Variants in RNLS observed in about 807,000 individuals in gnomAD.
RNLS encodes renalase, FAD dependent amine oxidase, also known as renalase.
RNLS carries 39 observed loss-of-function variants against 39.8 expected under a neutral mutation model. That is an observed-to-expected ratio of 0.98 (90% confidence interval 0.76 to 1.28). The LOEUF is 1.28. RNLS is among the 50% of genes most tolerant of loss of function. The probability of loss-of-function intolerance (pLI) is 0.00; values close to 1 mark genes in which losing one functional copy is unlikely to be tolerated. For synonymous variants in RNLS, 147 were observed against 150.7 expected, an observed-to-expected ratio of 0.98 and a Z score of 0.18; for missense variants, 410 against 413.3, an observed-to-expected ratio of 0.99 and a Z score of 0.07.
At chr10:88,412,768 C>T (rs944413181) in intron 4 of RNLS, among the ~76,000 whole-genome samples, 23 of 152,250 alleles carry the variant, frequency 1.5e-4, no homozygotes, top group African/African-American at 5.3e-4. Context: ...TATTCTGTAG[C>T]TTCCCAATTG....
chr10:88,499,666 G>A (rs764249890), intron 4 of RNLS, among the ~76,000 whole-genome samples: 20 of 151,936 alleles, frequency 1.3e-4, no homozygotes, highest in African/African-American at 4.4e-4. Flanking sequence ...TAACCAGATC[G>A]AAGTGAACCC....
rs529967652 is a variant in RNLS at position 88,417,841 on chromosome 10, T to C, written c.527-55116A>G. Among the ~76,000 whole-genome samples the C allele has an allele frequency of 3.3e-5, 5 of 152,354 alleles. No individual in the cohort carries two copies. The South Asian group carries it at 8.3e-4, about 25-fold the overall frequency. ...TTTTGTTGTTCATGTGTCACAACTTTATGCACTATAGAAGCCTTCTCTTTA... is the reference window on the plus strand; with the variant it reads ...TTTTGTTGTTCATGTGTCACAACTTCATGCACTATAGAAGCCTTCTCTTTA... On this transcript the variant is annotated intron_variant, in intron 4 of 6. Coordinates refer to ENST00000331772, the MANE Select transcript of RNLS (RefSeq NM_001031709.3).
intron 3 of RNLS, among the ~76,000 whole-genome samples, chr10:88,573,690 C>T (rs149580840): frequency 1.7e-3 from 256 of 152,260 alleles, no homozygotes; most frequent in African/African-American, 5.4e-3. Flanking sequence ...TCCTTCTTAG[C>T]ACTTAACACA....
chr10:88,520,941 G>A (rs895254562), intron 4 of RNLS, among the ~76,000 whole-genome samples: 4 of 151,878 alleles, frequency 2.6e-5, no homozygotes, highest in East Asian at 3.9e-4. Flanking sequence ...TGGGCTTCTC[G>A]TTCTTCCTCA....
chr10:88,572,159 A>G (rs1395275033), intron 4 of RNLS, among the ~76,000 whole-genome samples: 1 of 152,208 alleles, frequency 6.6e-6, no homozygotes, highest in African/African-American at 2.4e-5. Context: ...GGAAAGATAT[A>G]AGCATGTAAA....
intron 4 of RNLS, among the ~76,000 whole-genome samples, chr10:88,504,655 C>T (rs1175201570): frequency 6.6e-6 from 1 of 151,940 alleles, no homozygotes; most frequent in Non-Finnish European, 1.5e-5. Flanking sequence ...ATAATACAAA[C>T]AAAAATGATA....
At chr10:88,185,034 C>T in the RNLS span, among the ~76,000 whole-genome samples, 121 of 152,164 alleles carry the variant, frequency 8.0e-4, no homozygotes, top group African/African-American at 2.7e-3. Context: ...ATCCTGTTGC[C>T]CTGCCTTTCC....
At chr10:88,379,767 TG>T (rs1851304353) in intron 4 of RNLS, among the ~76,000 whole-genome samples, 1 of 152,220 alleles carries the variant, frequency 6.6e-6, no homozygotes, top group South Asian at 2.1e-4. Context: ...ATACAACTTA[TG>T]GCTGGTTCTG....
chr10:88,365,454 C>T (rs1742759339), intron 4 of RNLS, among the ~76,000 whole-genome samples: 1 of 151,092 alleles, frequency 6.6e-6, no homozygotes, highest in African/African-American at 2.4e-5. Flanking sequence ...GGCCCAATTC[C>T]AATATAATAA....
At chr10:88,364,344 T>C (rs976234415) in intron 4 of RNLS, among the ~76,000 whole-genome samples, 1 of 152,202 alleles carries the variant, frequency 6.6e-6, no homozygotes, top group African/African-American at 2.4e-5. Context: ...AGGGATTCAA[T>C]AAATTATTAT....
chr10:88,245,315 G>A, the RNLS span, among the ~76,000 whole-genome samples: 2 of 152,202 alleles, frequency 1.3e-5, no homozygotes, highest in Admixed American at 1.3e-4. Flanking sequence ...AAAGATCTGA[G>A]AGCAAGGGTC....
chr10:88,257,392 C>T, the RNLS span, among the ~76,000 whole-genome samples: 1 of 152,136 alleles, frequency 6.6e-6, no homozygotes, highest in African/African-American at 2.4e-5. Flanking sequence ...AGCGTGCACA[C>T]TATATTGGCT....
chr10:88,560,785 C>T (rs1849136018), intron 4 of RNLS, among the ~76,000 whole-genome samples: 1 of 152,006 alleles, frequency 6.6e-6, no homozygotes, highest in Non-Finnish European at 1.5e-5. Context: ...AAACACTACC[C>T]ACTGGCCAAA....
intron 4 of RNLS, among the ~76,000 whole-genome samples, chr10:88,417,619 A>G (rs1415747787): frequency 6.6e-6 from 1 of 152,230 alleles, no homozygotes; most frequent in Non-Finnish European, 1.5e-5. Context: ...TTGTTCCTTG[A>G]GGCCACTCAA....
intron 4 of RNLS, among the ~76,000 whole-genome samples, chr10:88,381,980 G>GCTC (rs1368250779): frequency 6.6e-6 from 1 of 152,064 alleles, no homozygotes; most frequent in African/African-American, 2.4e-5. Flanking sequence ...AACCAGCCAT[G>GCTC]CTCTTTCTTT....
intron 4 of RNLS, among the ~76,000 whole-genome samples, chr10:88,442,813 A>G (rs540329334): frequency 6.6e-6 from 1 of 152,184 alleles, no homozygotes; most frequent in Non-Finnish European, 1.5e-5. Context: ...AGTCACTTTT[A>G]TGTTAGCTCG....
intron 4 of RNLS, among the ~76,000 whole-genome samples, chr10:88,486,721 G>T (rs1457894376): frequency 6.6e-6 from 1 of 152,104 alleles, no homozygotes; most frequent in Admixed American, 6.6e-5. Context: ...ACAGATGCTG[G>T]TGAGGTTGCA....
downstream of RNLS, among the ~76,000 whole-genome samples, chr10:88,280,182 T>C (rs1842959578): frequency 6.6e-6 from 1 of 152,172 alleles, no homozygotes; most frequent in African/African-American, 2.4e-5. Flanking sequence ...CAGCACTCTC[T>C]TAAGGTTTTA....
intron 4 of RNLS, among the ~76,000 whole-genome samples, chr10:88,374,191 T>C (rs1247592236): frequency 2.0e-5 from 3 of 152,040 alleles, no homozygotes; most frequent in African/African-American, 4.8e-5. Flanking sequence ...TCAGCTGTGA[T>C]AGCAAAAGAG....
Sources: allele counts gnomAD v4.1 joint callset (sites outside exome capture counted in the v4.1 genomes callset), GRCh38; gene constraint gnomAD v4.1.1; transcripts MANE v1.5; gene names NCBI Gene and HGNC (gene_info 2026-07-23, HGNC 2026-07-21).